LUC7L: variants seen among roughly 807,000 people sequenced by gnomAD.
LUC7L encodes the protein putative RNA-binding protein Luc7-like 1.
Under a neutral mutation model 51.1 loss-of-function variants are expected in LUC7L, and 29 were observed. The ratio of observed to expected loss-of-function variants is 0.57; its 90% confidence interval spans 0.42 to 0.77. LUC7L has a LOEUF of 0.77. Ranked by LOEUF, LUC7L falls within the 30% of genes least tolerant of loss-of-function variation. The probability of loss-of-function intolerance (pLI) is 0.00; values close to 1 mark genes in which losing one functional copy is unlikely to be tolerated. For synonymous variants in LUC7L, 181 were observed against 180.7 expected (o/e 1.00, Z -0.01); for missense variants, 403 against 511.9 (o/e 0.79, Z 2.05).
chr16:216,163 G>A (rs1026635311), intron 3 of LUC7L, among the ~76,000 whole-genome samples: 35 of 151,696 alleles, frequency 2.3e-4, no homozygotes, highest in African/African-American at 7.8e-4. Flanking sequence ...CACCACGCCC[G>A]GCTAATTTTC....
At chr16:208,326 C>T in intron 3 of LUC7L, 138 bp from the exon 4 acceptor site, 1 of 630,978 alleles carries the variant, frequency 1.6e-6, no homozygotes, top group Non-Finnish European at 2.7e-6. Context: ...TCTTAAACTA[C>T]ACTACCACTA....
intron 3 of LUC7L, chr16:220,102 T>C (rs2049924674): frequency 6.6e-6 from 1 of 152,218 alleles, no homozygotes; most frequent in Admixed American, 6.6e-5. Context: ...AATACGGGTA[T>C]CTCCTATAAA....
chr16:228,650 C>T (rs2050186132), intron 1 of LUC7L: 6 of 1,182,994 alleles, frequency 5.1e-6, no homozygotes, highest in South Asian at 1.6e-5. Context: ...ACCGCTTTCT[C>T]CTGTGACAAC....
chr16:195,972 C>CAT (rs2049137466), intron 6 of LUC7L, among the ~76,000 whole-genome samples: 1 of 152,168 alleles, frequency 6.6e-6, no homozygotes, highest in African/African-American at 2.4e-5. Context: ...TTTTGGTCAA[C>CAT]TCTATGCTGC....
chr16:205,759 T>G (rs1482497467), intron 5 of LUC7L, among the ~76,000 whole-genome samples: 1 of 152,092 alleles, frequency 6.6e-6, no homozygotes, highest in Admixed American at 6.6e-5. Flanking sequence ...CCGGCTAATT[T>G]TTTTGTATTT....
intron 3 of LUC7L, among the ~76,000 whole-genome samples, chr16:210,773 C>G (rs1297787055): frequency 2.6e-5 from 4 of 152,186 alleles, no homozygotes; most frequent in Non-Finnish European, 5.9e-5. Context: ...AAATGGTGGC[C>G]GGGCGTGGTG....
In LUC7L at chr16:189,281, C is replaced by T; in HGVS notation, c.1033G>A (p.Gly345Arg). Residue 345 changes from glycine (G) to arginine (R), a missense_variant, in exon 10 of 10, where the codon GGG becomes AGG. By Grantham distance (125) the Gly-to-Arg change is moderately radical. Transcript: ENST00000293872. The stretch of plus-strand genomic sequence containing the variant: ...CTCTCAAGCCTCCAGTCCGGGGGCC[C>T]TCGCTCGCTCCGCCCGCTCTCCCAG... ...ESWESGRSERGPPDWRLESSN... is the reference protein window; with the variant it reads ...ESWESGRSERRPPDWRLESSN... The T allele has an allele frequency of 6.2e-7, 1 of 1,613,758 alleles. No homozygotes were observed. Among genetic ancestry groups the T allele is most frequent in the African/African-American group, 1.3e-5 (1 of 75,028 alleles).
At chr16:195,034 A>G (rs1384415168) in intron 6 of LUC7L, among the ~76,000 whole-genome samples, 2 of 152,146 alleles carry the variant, frequency 1.3e-5, no homozygotes. Flanking sequence ...AAGTATGCAG[A>G]GCTGGGTGAC....
At chr16:203,505 A>G (rs1237894994) in intron 5 of LUC7L, among the ~76,000 whole-genome samples, 1 of 151,950 alleles carries the variant, frequency 6.6e-6, no homozygotes, top group Non-Finnish European at 1.5e-5. Context: ...CAAGGATTTC[A>G]AGACCAGCCT....
chr16:192,817 T>C, intron 7 of LUC7L, 110 bp downstream of exon 7: 2 of 957,772 alleles, frequency 2.1e-6, no homozygotes, highest in East Asian at 2.4e-5. Flanking sequence ...TATTTTCTTT[T>C]ATAACGGCCT....
chr16:191,665 T>C lies in LUC7L; in HGVS notation c.777-1095A>G, dbSNP rs1314492305. Among the ~76,000 whole-genome samples the C allele has an allele frequency of 2.0e-5, 3 of 152,164 alleles. No homozygotes were observed. In the East Asian group the frequency reaches 5.8e-4, roughly 29 times the overall value. On this transcript the variant is annotated intron_variant, in intron 7 of 9. Transcript: ENST00000293872. ...ATCGAGACCAGCCTGGCCAACATGG[T>C]GAAACCCTGTCTCTATTAAAAATAC...
chr16:197,561 T>C (rs1325118153), intron 6 of LUC7L, among the ~76,000 whole-genome samples: 4 of 152,204 alleles, frequency 2.6e-5, no homozygotes, highest in Admixed American at 1.3e-4. Context: ...ATTCCAACTT[T>C]GACAGAGTAC....
At position 198,096 on chromosome 16, in the gene LUC7L, G is replaced by A. The variant is rs139855957; in HGVS notation, c.687+966C>T. 7.4e-3 allele frequency among the ~76,000 whole-genome samples: 1,127 copies of A among 151,628 alleles called. 14 individuals are homozygous for A. Among genetic ancestry groups the A allele is most frequent in the African/African-American group, 0.025 (1,047 of 41,340 alleles). On this transcript the variant is annotated intron_variant, in intron 6 of 9. Transcript: ENST00000293872. ...ATCCTGGCAAACACGATGAAGCCCC[G>A]TCTCTACTAAAAATACAACAACAAC...
rs774176293 is a variant in LUC7L at position 189,989 on chromosome 16, C to T, written c.953G>A (p.Arg318Gln). 5.0e-6 allele frequency: 8 copies of T among 1,613,200 alleles called. No homozygotes were observed. The highest frequency in any genetic ancestry group is 3.3e-5 in the Admixed American group (2 of 59,960). ...TTACTTGTATTTCGCACTTCGGTCC[C>T]GGGAAGCCCGACGATGTCCCCGGCT... The part of the protein sequence containing the change: ...SHSRGHRRAS[R>Q]DRSAKYKFSR... Residue 318 changes from arginine to glutamine, a missense_variant, in exon 9 of 10, where the codon CGG (arginine) becomes CAG (glutamine). Physicochemically the swap from Arg to Gln is conservative, Grantham distance 43 (BLOSUM62 1). This residue lies in a region of LUC7L where 206 missense variants were observed against 218.3 expected (regional missense o/e 0.94). Transcript: ENST00000293872.
chr16:203,220 G>GA (rs1297360804), intron 5 of LUC7L, among the ~76,000 whole-genome samples: 4 of 152,182 alleles, frequency 2.6e-5, no homozygotes, highest in African/African-American at 9.7e-5. Flanking sequence ...TGATCTGAAT[G>GA]AATCTGTATA....
Position 221,080 on chromosome 16 carries a change from C to T in LUC7L, c.157-333G>A, listed in dbSNP as rs910314511. Among the ~76,000 whole-genome samples, 15 of 151,868 alleles carry T rather than the reference C, an allele frequency of 9.9e-5. No homozygotes were observed. The East Asian group carries it at 1.2e-3, about 12-fold the overall frequency. ...TGTCACCCAGGCTGGAGTACAGTGG[C>T]GCGACCTCAGCTTACTGTAACCTCT... On this transcript the variant is annotated intron_variant, in intron 2 of 9. Coordinates refer to ENST00000293872, the MANE Select transcript of LUC7L (RefSeq NM_201412.3).
At chr16:193,687 G>T (rs1306624892) in intron 6 of LUC7L, among the ~76,000 whole-genome samples, 2 of 151,810 alleles carry the variant, frequency 1.3e-5, no homozygotes, top group Non-Finnish European at 2.9e-5. Flanking sequence ...TAGAGACGGG[G>T]TTTCACCATG....
intron 3 of LUC7L, chr16:208,681 T>C (rs890826988): frequency 6.3e-6 from 6 of 957,874 alleles, no homozygotes; most frequent in Admixed American, 6.2e-5. Context: ...AACAAAACAA[T>C]AGAACAAATA....
rs185171958 is a variant in LUC7L at position 220,838 on chromosome 16, G to A, written c.157-91C>T. 52 of 788,260 alleles carry A rather than the reference G, an allele frequency of 6.6e-5. No individual in the cohort carries two copies. In the East Asian group the frequency reaches 1.2e-3, roughly 18 times the overall value. The allele number at this position is 788,260 out of a possible 1,614,324, so 48.8% of individuals were successfully genotyped here. On this transcript the variant is annotated intron_variant, in intron 2 of 9. Transcript: ENST00000293872. ...CTTGGTGTTTCAACTGTCACCAACAGAAATGATCACTTTTGGAACACTGAC... is the reference window on the plus strand; with the variant it reads ...CTTGGTGTTTCAACTGTCACCAACAAAAATGATCACTTTTGGAACACTGAC...
Sources: gnomAD v4.1 joint callset for allele counts (sites outside exome capture counted in the v4.1 genomes callset) on GRCh38, gnomAD v4.1.1 for gene constraint, gnomAD v4.1.1 regional missense constraint, MANE v1.5 for transcripts, NCBI Gene and HGNC (gene_info 2026-07-23, HGNC 2026-07-21) for gene names.